The following ARHGAP23 variants were observed in gnomAD, a reference collection of about 807,000 sequenced individuals.
The protein encoded by ARHGAP23 is Rho GTPase activating protein 23.
Under a neutral mutation model 136.3 loss-of-function variants are expected in ARHGAP23, and 34 were observed. The ratio of observed to expected loss-of-function variants is 0.25; its 90% confidence interval spans 0.19 to 0.33. ARHGAP23 has a LOEUF of 0.33. ARHGAP23 is among the 10% of genes least tolerant of loss of function. The pLI is 1.00. For missense variants in ARHGAP23, 1,808 were observed against 2,139.0 expected, an observed-to-expected ratio of 0.85 and a Z score of 3.05; for synonymous variants, 832 against 920.5, an observed-to-expected ratio of 0.90 and a Z score of 1.74.
rs1221923077 is a variant in ARHGAP23 at position 38,428,533 on chromosome 17, GC to G, written c.52del (p.Arg18GlyfsTer57). ...CLVGIPPRPE[P>X]RPPQLPLGPR... ...TGGTCGGGATCCCGCCCCGCCCGGAGCCCCGGCCCCCACAGGTGAGGGTGCT... is the reference window on the plus strand; with the variant it reads ...TGGTCGGGATCCCGCCCCGCCCGGAGCCCGGCCCCCACAGGTGAGGGTGCT... On this transcript the variant is annotated frameshift_variant, in exon 1 of 24. Transcript: ENST00000622683. LOFTEE classifies it high-confidence loss of function. 2.8e-6 allele frequency: 4 copies of G among 1,453,556 alleles called. No homozygotes were observed. Among genetic ancestry groups the G allele is most frequent in the South Asian group, 1.3e-5 (1 of 75,090 alleles). 90.0% of individuals were successfully genotyped at this position (1,453,556 alleles called of 1,614,324 possible). A position where few individuals can be genotyped will look rare whatever the true frequency, so the allele number is the denominator to read the frequency against.
chr17:38,467,379 G>C lies in ARHGAP23; in HGVS notation c.1648+48G>C, dbSNP rs776922140. On this transcript the variant is annotated intron_variant, in intron 7 of 23. Coordinates refer to ENST00000622683, the MANE Select transcript of ARHGAP23 (RefSeq NM_001199417.2). Reference sequence around the variant, plus strand: ...GTCCTGGGGGACTTAGCTGTCGGCTGTCTGTGTCCTGCTGTACCCCATCTG... The same window carrying C: ...GTCCTGGGGGACTTAGCTGTCGGCTCTCTGTGTCCTGCTGTACCCCATCTG... 4.2e-6 allele frequency: 6 copies of C among 1,444,646 alleles called. No homozygotes were observed. In the South Asian group the frequency reaches 4.4e-5, roughly 11 times the overall value. 89.5% of individuals were successfully genotyped at this position (1,444,646 alleles called of 1,614,324 possible).
At chr17:38,462,538 G>C (rs1304269003) in intron 3 of ARHGAP23, among the ~76,000 whole-genome samples, 2 of 152,202 alleles carry the variant, frequency 1.3e-5, no homozygotes, top group African/African-American at 4.8e-5. Flanking sequence ...TTACAGGCGT[G>C]AGCTACCATG....
At chr17:38,457,714 T>C (rs1597783123) in intron 1 of ARHGAP23, 2 of 299,910 alleles carry the variant, frequency 6.7e-6, no homozygotes, top group Non-Finnish European at 1.2e-5. Context: ...GTGTGTGAGA[T>C]TGTGCATGAG....
chr17:38,419,749 G>T lies in ARHGAP23; in HGVS notation n.120+350G>T, dbSNP rs570462004. ...GGTAAGGGTACAGCCCCTGCTCCCT[G>T]AACCCAGGCCCAAGGAGGCTACAGA... On this transcript the variant is annotated intron_variant and non_coding_transcript_variant, in intron 1 of 4. Transcript: ENST00000633445. 7.0e-4 allele frequency among the ~76,000 whole-genome samples: 106 copies of T among 152,250 alleles called. No homozygotes were observed. The East Asian group carries it at 9.3e-3, about 13-fold the overall frequency.
chr17:38,466,622 C>T lies in ARHGAP23; in HGVS notation c.939C>T (p.Arg313=). ...GCCCAGCCATGGCCCCCCGGGCCCGCAGCGCCTCCCAGGACCGGTTGGAGG... is the reference window on the plus strand; with the variant it reads ...GCCCAGCCATGGCCCCCCGGGCCCGTAGCGCCTCCCAGGACCGGTTGGAGG... The part of the protein sequence containing the change: ...RRCPAMAPRA[R]SASQDRLEEV... The change falls in exon 7 of 24, where the codon CGC becomes CGT. Residue 313 remains arginine, a synonymous_variant. Transcript: ENST00000622683. The T allele has an allele frequency of 6.6e-7, 1 of 1,516,214 alleles. No individual in the cohort carries two copies. Among genetic ancestry groups the T allele is most frequent in the Non-Finnish European group, 8.8e-7 (1 of 1,136,928 alleles). 93.9% of individuals were successfully genotyped at this position (1,516,214 alleles called of 1,614,324 possible).
chr17:38,466,952 C>A lies in ARHGAP23; in HGVS notation c.1269C>A (p.Ser423Arg). Reference sequence around the variant, plus strand: ...GGTACATCGGCTACCGGAGCTACAGCCCATCATTCCAGCGCCGGACCGGCC... The same window carrying A: ...GGTACATCGGCTACCGGAGCTACAGACCATCATTCCAGCGCCGGACCGGCC... ...DLGYIGYRSY[S>R]PSFQRRTGLL... The change falls in exon 7 of 24, where the codon AGC (serine) becomes AGA (arginine). Residue 423 changes from serine (S) to arginine (R), a missense_variant. Ser to Arg is a moderately radical substitution (Grantham distance 110, BLOSUM62 -1). Around this residue, in one of 7 missense-constraint regions of ARHGAP23, gnomAD observed 859 missense variants for 936.4 expected, o/e 0.92. Transcript: ENST00000622683. 1 of 1,550,552 alleles carries A rather than the reference C, an allele frequency of 6.4e-7. No homozygotes were observed. Among genetic ancestry groups the A allele is most frequent in the Non-Finnish European group, 8.7e-7 (1 of 1,146,958 alleles).
chr17:38,510,909 G>C lies in ARHGAP23; in HGVS notation c.4413G>C (p.Thr1471=). ...AASQPPAPGD[T]GSLQSQPPRR... ...CGCAGCCGCCCGCGCCCGGGGACACGGGGTCCCTGCAGAGCCAGCCCCCGC... is the reference window on the plus strand; with the variant it reads ...CGCAGCCGCCCGCGCCCGGGGACACCGGGTCCCTGCAGAGCCAGCCCCCGC... The change falls in exon 24 of 24, where the codon ACG becomes ACC. Residue 1471 remains threonine, a synonymous_variant. Coordinates refer to ENST00000622683, the MANE Select transcript of ARHGAP23 (RefSeq NM_001199417.2). The surrounding 1 kb of genome is among the most constrained non-coding windows in gnomAD (Gnocchi z 4.6). The C allele has an allele frequency of 6.7e-7, 1 of 1,490,380 alleles. No individual in the cohort carries two copies. The highest frequency in any genetic ancestry group is 8.9e-7 in the Non-Finnish European group (1 of 1,129,114). 92.3% of individuals were successfully genotyped at this position (1,490,380 alleles called of 1,614,324 possible).
At chr17:38,498,336 C>A (rs987022163) in intron 21 of ARHGAP23, 78 bp from the exon 22 acceptor site, 28 of 1,169,094 alleles carry the variant, frequency 2.4e-5, no homozygotes, top group Non-Finnish European at 3.2e-5. Context: ...TGGGCTCTGT[C>A]ATCAGGGCAC....
intron 11 of ARHGAP23, among the ~76,000 whole-genome samples, chr17:38,474,738 G>A (rs184005503): frequency 6.1e-5 from 9 of 147,956 alleles, no homozygotes; most frequent in East Asian, 4.2e-4. Context: ...CAAGAGACCC[G>A]GCTGAGCCTT....
At position 38,510,868 on chromosome 17, in the gene ARHGAP23, C is replaced by A; in HGVS notation, c.4372C>A (p.Pro1458Thr). 2 of 1,499,352 alleles carry A rather than the reference C, an allele frequency of 1.3e-6. No individual in the cohort carries two copies. The highest frequency in any genetic ancestry group is 8.8e-7 in the Non-Finnish European group (1 of 1,131,726). 92.9% of individuals were successfully genotyped at this position (1,499,352 alleles called of 1,614,324 possible). ...CCTGGAGTCCACCAAGGCGCGGGCC[C>A]CGTCGTCCGCTGCCTCGCAGCCGCC... ...SSLESTKARA[P>T]SSAASQPPAP... Residue 1458 changes from proline to threonine, a missense_variant, in exon 24 of 24, where the codon CCG (proline) becomes ACG (threonine). By Grantham distance (38) the Pro-to-Thr change is conservative (BLOSUM62 -1). Transcript: ENST00000622683. The surrounding 1 kb of genome is among the most constrained non-coding windows in gnomAD (Gnocchi z 4.6).
chr17:38,468,855 A>G (rs1247454596), intron 7 of ARHGAP23, among the ~76,000 whole-genome samples: 1 of 152,064 alleles, frequency 6.6e-6, no homozygotes, highest in Non-Finnish European at 1.5e-5. Context: ...TGAGGGAGAC[A>G]CCGTCCCTGC....
intron 2 of ARHGAP23, among the ~76,000 whole-genome samples, chr17:38,459,845 C>G (rs4795282): frequency 2.0e-5 from 3 of 151,978 alleles, no homozygotes; most frequent in African/African-American, 7.3e-5. Context: ...TTGCATCAGC[C>G]GGAGTGCACC....
At chr17:38,429,002 C>A (rs966206123) in intron 1 of ARHGAP23, among the ~76,000 whole-genome samples, 4 of 152,164 alleles carry the variant, frequency 2.6e-5, no homozygotes, top group Non-Finnish European at 5.9e-5. Context: ...CGGAGCGGGA[C>A]GTCCTCCACT....
intron 1 of ARHGAP23, chr17:38,450,249 T>C (rs2039130756): frequency 6.6e-6 from 1 of 152,122 alleles, no homozygotes; most frequent in Admixed American, 6.5e-5. Flanking sequence ...GTATCTCAGC[T>C]CCTGGCCCAC....
chr17:38,455,315 G>T lies in ARHGAP23; in HGVS notation c.64-2787G>T, dbSNP rs147699694. 5.3e-5 allele frequency among the ~76,000 whole-genome samples: 8 copies of T among 152,342 alleles called. No homozygotes were observed. The East Asian group carries it at 1.4e-3, about 26-fold the overall frequency. ...AAGCAGGTGTGTGGTAGCTGTGGCT[G>T]TGTGGTAGCTGACATTCTCAAGAGC... On this transcript the variant is annotated intron_variant, in intron 1 of 23. Transcript: ENST00000622683.
chr17:38,438,383 G>A (rs1006719673), intron 1 of ARHGAP23, among the ~76,000 whole-genome samples: 1 of 151,552 alleles, frequency 6.6e-6, no homozygotes, highest in African/African-American at 2.4e-5. Context: ...AGAAGGGAGA[G>A]AAGGGTGTGC....
chr17:38,419,580 TCACACACACACA>T (rs60358190), intron 1 of ARHGAP23, among the ~76,000 whole-genome samples: 4 of 143,078 alleles, frequency 2.8e-5, no homozygotes, highest in Admixed American at 6.9e-5. Context: ...GACACAGAGC[TCACACACACACA>T]CACACACACA....
intron 1 of ARHGAP23, chr17:38,457,812 C>T: frequency 1.9e-6 from 1 of 531,206 alleles, no homozygotes; most frequent in East Asian, 3.3e-5. Context: ...TTGCTGAACT[C>T]AGCTGAACTG....
At chr17:38,440,609 G>C (rs1262988690) in intron 1 of ARHGAP23, among the ~76,000 whole-genome samples, 1 of 152,166 alleles carries the variant, frequency 6.6e-6, no homozygotes, top group East Asian at 1.9e-4. Context: ...TGTGTCACTG[G>C]CCCCCCTAGC....
Sources: gnomAD v4.1 joint callset for allele counts (sites outside exome capture counted in the v4.1 genomes callset) on GRCh38, gnomAD v4.1.1 for gene constraint, gnomAD v4.1.1 regional missense constraint, Gnocchi (gnomAD v3.1) non-coding constraint, MANE v1.5 for transcripts, NCBI Gene and HGNC (gene_info 2026-07-23, HGNC 2026-07-21) for gene names.